The following P2RY8 variants were observed in gnomAD, a reference collection of about 807,000 sequenced individuals.
The protein encoded by P2RY8 is S-geranylgeranyl-glutathione receptor P2RY8.
In P2RY8, 6 loss-of-function variants were observed where a neutral mutation model predicts 10.0. That is an observed-to-expected ratio of 0.60 (90% CI 0.33 to 1.19). The LOEUF (loss-of-function observed/expected upper bound fraction) is 1.19. P2RY8 is among the 50% of genes most tolerant of loss of function. The probability of loss-of-function intolerance (pLI) is 0.04; values close to 1 mark genes in which losing one functional copy is unlikely to be tolerated. For synonymous variants in P2RY8, 276 were observed against 252.5 expected (o/e 1.09, Z -0.88); for missense variants, 456 against 542.0 (o/e 0.84, Z 1.58).
At chrX:1,498,385 G>C (rs1173717030) in intron 1 of P2RY8, among the ~76,000 whole-genome samples, 6 of 121,160 alleles carry the variant, frequency 5.0e-5, no homozygotes, top group Non-Finnish European at 3.3e-5. Context: ...CAGCCTGGGC[G>C]ACAGAGCGAG....
rs576654537 is a variant in P2RY8 at position 1,508,017 on chromosome X, G to A, written c.-25+28904C>T. Among the ~76,000 whole-genome samples, 223 of 152,082 alleles carry A rather than the reference G, an allele frequency of 1.5e-3. No homozygotes were observed. In the Middle Eastern group the frequency reaches 0.017, roughly 12 times the overall value. ...CCGCCTCCCCCACCTCTTTCACCCC[G>A]TATGGCGTGTGCCTGATGACCTCTC... On this transcript the variant is annotated intron_variant, in intron 1 of 1. Transcript: ENST00000381297.
rs2092531366 is a variant in P2RY8 at position 1,536,913 on chromosome X, C to T, written c.-25+8G>A. 4.5e-6 allele frequency: 1 copy of T among 223,324 alleles called. No individual in the cohort carries two copies. The highest frequency in any genetic ancestry group is 5.7e-5 in the Admixed American group (1 of 17,416). 13.8% of individuals were successfully genotyped at this position (223,324 alleles called of 1,614,324 possible). A position where few individuals can be genotyped will look rare whatever the true frequency, so the allele number is the denominator to read the frequency against. Reference sequence around the variant, plus strand: ...GGACAAGCATAAAAGTCCAGCTCGGCGGCTCACCTGTGCAGAAGCAGCGGC... The same window carrying T: ...GGACAAGCATAAAAGTCCAGCTCGGTGGCTCACCTGTGCAGAAGCAGCGGC... On this transcript the variant is annotated splice_region_variant and intron_variant, in intron 1 of 1. Transcript: ENST00000381297.
intron 1 of P2RY8, among the ~76,000 whole-genome samples, chrX:1,517,404 T>G (rs1297464954): frequency 6.6e-6 from 1 of 152,154 alleles, no homozygotes; most frequent in Admixed American, 6.5e-5. Flanking sequence ...AGCCTTCAGC[T>G]TGGGCCCCCG....
At chrX:1,530,958 T>C (rs1224471336) in intron 1 of P2RY8, among the ~76,000 whole-genome samples, 1 of 151,254 alleles carries the variant, frequency 6.6e-6, no homozygotes, top group African/African-American at 2.4e-5. Flanking sequence ...ATCTAATCTA[T>C]TTATCCATGT....
chrX:1,470,135 G>T (rs1466601621), intron 1 of P2RY8, among the ~76,000 whole-genome samples: 1 of 152,122 alleles, frequency 6.6e-6, no homozygotes, highest in Non-Finnish European at 1.5e-5. Flanking sequence ...GAGGCAGGTG[G>T]ATCACCTGAG....
At chrX:1,478,950 G>A (rs1282586965) in intron 1 of P2RY8, among the ~76,000 whole-genome samples, 9 of 152,132 alleles carry the variant, frequency 5.9e-5, no homozygotes, top group East Asian at 1.9e-4. Context: ...TAATAAAACC[G>A]GGGTTGATAC....
chrX:1,497,079 C>T (rs2092124046), intron 1 of P2RY8, among the ~76,000 whole-genome samples: 2 of 150,184 alleles, frequency 1.3e-5, no homozygotes, highest in East Asian at 2.0e-4. Flanking sequence ...ATTAGCCAGG[C>T]GTGGTGGTGG....
At position 1,508,704 on chromosome X, in the gene P2RY8, T is replaced by TCCATCCATCCA. The variant is rs1201683452; in HGVS notation, c.-25+28216_-25+28217insTGGATGGATGG. 3.0e-3 allele frequency among the ~76,000 whole-genome samples: 332 copies of TCCATCCATCCA among 112,052 alleles called. 4 individuals carry two copies. Among genetic ancestry groups the TCCATCCATCCA allele is most frequent in the Admixed American group, 5.5e-3 (65 of 11,910 alleles). The allele number at this position is 112,052 out of a possible 152,430, so 73.5% of individuals were successfully genotyped here. A position where few individuals can be genotyped will look rare whatever the true frequency, so the allele number is the denominator to read the frequency against. On this transcript the variant is annotated intron_variant, in intron 1 of 1. Coordinates refer to ENST00000381297, the MANE Select transcript of P2RY8 (RefSeq NM_178129.5). ...CATCATCCATCCATCCATCCATCCATTCTATCTATCTATCTATCTATCTAT... is the reference window on the plus strand; with the variant it reads ...CATCATCCATCCATCCATCCATCCATCCATCCATCCATCTATCTATCTATCTATCTATCTAT...
At chrX:1,523,844 C>A (rs1386997145) in intron 1 of P2RY8, among the ~76,000 whole-genome samples, 1 of 152,032 alleles carries the variant, frequency 6.6e-6, no homozygotes, top group East Asian at 1.9e-4. Flanking sequence ...CCACCACGCC[C>A]GGCTAATTTT....
intron 1 of P2RY8, among the ~76,000 whole-genome samples, chrX:1,503,140 G>C (rs1428446257): frequency 6.6e-6 from 1 of 150,966 alleles, no homozygotes; most frequent in Non-Finnish European, 1.5e-5. Context: ...ACGTGGAGAC[G>C]GAGACAGAGC....
rs145053828 is a variant in P2RY8, at chrX:1,522,417, G to T, written c.-25+14504C>A. Among the ~76,000 whole-genome samples, 1,006 of 152,228 alleles carry T rather than the reference G, an allele frequency of 6.6e-3. 15 individuals are homozygous for T. The highest frequency in any genetic ancestry group is 0.023 in the African/African-American group (946 of 41,526). On this transcript the variant is annotated intron_variant, in intron 1 of 1. Transcript: ENST00000381297. ...CTCACCTCCCACACACGTGTGTATT[G>T]TAACTTTAAATGCAATCCTCAGATG...
intron 1 of P2RY8, among the ~76,000 whole-genome samples, chrX:1,484,736 AAAAAAAAAAAAAG>A (rs1312139990): frequency 1.4e-5 from 2 of 138,894 alleles, no homozygotes; most frequent in African/African-American, 5.1e-5. Context: ...AAAAAAAAAA[AAAAAAAAAAAAAG>A]AAGAAGAAGA....
intron 1 of P2RY8, among the ~76,000 whole-genome samples, chrX:1,478,667 T>TG: frequency 6.6e-6 from 1 of 151,822 alleles, no homozygotes; most frequent in East Asian, 1.9e-4. Context: ...TTAGTAGAGA[T>TG]GGGGGTTCCA....
chrX:1,491,275 G>A (rs1269616768), intron 1 of P2RY8, among the ~76,000 whole-genome samples: 1 of 152,152 alleles, frequency 6.6e-6, no homozygotes, highest in African/African-American at 2.4e-5. Flanking sequence ...AATGTAGAGA[G>A]AATGAATGAA....
Position 1,509,792 on chromosome X carries a change from CCATCCT to C in P2RY8, c.-25+27123_-25+27128del, listed in dbSNP as rs1228538922. Reference sequence around the variant, plus strand: ...ATCTATCTATCTATCATCTATGTATCCATCCTATCTATCTATCTATCTATCTATCTA... The same window carrying C: ...ATCTATCTATCTATCATCTATGTATCATCTATCTATCTATCTATCTATCTA... On this transcript the variant is annotated intron_variant, in intron 1 of 1. Transcript: ENST00000381297. Among the ~76,000 whole-genome samples the C allele has an allele frequency of 1.8e-3, 94 of 51,130 alleles. 1 individual carries two copies. The highest frequency in any genetic ancestry group is 0.017 in the Middle Eastern group (1 of 60). The allele number at this position is 51,130 out of a possible 152,430, so 33.5% of individuals were successfully genotyped here. A position where few individuals can be genotyped will look rare whatever the true frequency, so the allele number is the denominator to read the frequency against.
intron 1 of P2RY8, among the ~76,000 whole-genome samples, chrX:1,505,518 A>T (rs1313413354): frequency 4.6e-5 from 7 of 152,102 alleles, no homozygotes; most frequent in Non-Finnish European, 7.4e-5. Context: ...AATATTATCC[A>T]CTAGCTTCGG....
At chrX:1,468,562 G>C (rs2091726013) in intron 1 of P2RY8, among the ~76,000 whole-genome samples, 1 of 152,238 alleles carries the variant, frequency 6.6e-6, no homozygotes, top group East Asian at 1.9e-4. Flanking sequence ...GGGCCCCGCC[G>C]GGGCTCAGCG....
rs150572288 is a variant in P2RY8, at chrX:1,470,348, C to G, written c.-24-3766G>C. Among the ~76,000 whole-genome samples the G allele has an allele frequency of 4.2e-3, 643 of 152,202 alleles. 10 individuals carry two copies. Among genetic ancestry groups the G allele is most frequent in the African/African-American group, 0.015 (628 of 41,528 alleles). On this transcript the variant is annotated intron_variant, in intron 1 of 1. Coordinates refer to ENST00000381297, the MANE Select transcript of P2RY8 (RefSeq NM_178129.5). ...CCAACATGGTGAAACCCTGTCTCTA[C>G]TAAAAATACAAAAAAAATTAACCGG...
intron 1 of P2RY8, among the ~76,000 whole-genome samples, chrX:1,528,731 T>A (rs2092454907): frequency 6.6e-6 from 1 of 152,114 alleles, no homozygotes; most frequent in Non-Finnish European, 1.5e-5. Flanking sequence ...TCTCTTTGAA[T>A]TCGTGTAGGT....
Sources: gnomAD v4.1 joint callset for allele counts (sites outside exome capture counted in the v4.1 genomes callset) on GRCh38, gnomAD v4.1.1 for gene constraint, MANE v1.5 for transcripts, NCBI Gene and HGNC (gene_info 2026-07-23, HGNC 2026-07-21) for gene names.